Variants in CREBBP observed in about 807,000 individuals in gnomAD.
CREBBP encodes the protein CREB binding lysine acetyltransferase.
Under a neutral mutation model 265.0 loss-of-function variants are expected in CREBBP, and 19 were observed. The observed-to-expected ratio is 0.07, with a 90% CI of 0.05 to 0.11. The LOEUF (loss-of-function observed/expected upper bound fraction) is 0.11. Ranked by LOEUF, CREBBP falls within the 10% of genes least tolerant of loss-of-function variation. CREBBP has a pLI of 1.00. For synonymous variants in CREBBP, 1,457 were observed against 1,223.7 expected (o/e 1.19, Z -3.98); for missense variants, 2,525 against 3,219.0 (o/e 0.78, Z 5.22).
Position 3,880,625 on chromosome 16 carries a change from G to A in CREBBP, c.-709C>T, listed in dbSNP as rs2055515138. The A allele has an allele frequency of 6.8e-6, 1 of 147,956 alleles. No homozygotes were observed. Among genetic ancestry groups the A allele is most frequent in the Non-Finnish European group, 1.5e-5 (1 of 66,614 alleles). 9.2% of individuals were successfully genotyped at this position (147,956 alleles called of 1,614,324 possible). On this transcript the variant is annotated 5_prime_UTR_variant, in exon 1 of 31. Transcript: ENST00000262367. ...GGCGGAGCGGGGTGCGCGGGCGGTT[G>A]TGGGGCCCGGGACCGGCGGGGCCGA...
chr16:3,768,028 T>G, intron 15 of CREBBP, 119 bp from the exon 16 acceptor site: 1 of 892,318 alleles, frequency 1.1e-6, no homozygotes, highest in South Asian at 1.4e-5. Flanking sequence ...CTAGTCAGAG[T>G]TGCATTTATG....
chr16:3,828,473 C>G (rs375957566), intron 2 of CREBBP, among the ~76,000 whole-genome samples: 2 of 152,206 alleles, frequency 1.3e-5, no homozygotes, highest in East Asian at 3.8e-4. Flanking sequence ...CCAATCAGAC[C>G]ACAGGCAAAG....
At chr16:3,830,737 T>A (rs1328055000) in intron 2 of CREBBP, among the ~76,000 whole-genome samples, 2 of 152,120 alleles carry the variant, frequency 1.3e-5, no homozygotes, top group Non-Finnish European at 2.9e-5. Context: ...TCAACCAACT[T>A]ATTCTAATAG....
intron 1 of CREBBP, among the ~76,000 whole-genome samples, chr16:3,851,306 T>TAAAAAAAAAAAAAA (rs1160251196): frequency 1.3e-5 from 1 of 76,504 alleles, no homozygotes. Context: ...AAAAAAAAAT[T>TAAAAAAAAAAAAAA]AAAAAAAAAA....
intron 2 of CREBBP, among the ~76,000 whole-genome samples, chr16:3,841,410 A>C (rs372297676): frequency 1.3e-5 from 2 of 152,130 alleles, no homozygotes; most frequent in South Asian, 4.1e-4. Context: ...CAATAAGAGG[A>C]AACTTTGTGC....
rs2052800866 is a variant in CREBBP, at chr16:3,764,545, G to A, written c.3250+3175C>T. Among the ~76,000 whole-genome samples the A allele has an allele frequency of 2.6e-5, 4 of 151,490 alleles. No homozygotes were observed. The South Asian group carries it at 8.4e-4, about 32-fold the overall frequency. On this transcript the variant is annotated intron_variant, in intron 16 of 30. Coordinates refer to ENST00000262367, the MANE Select transcript of CREBBP (RefSeq NM_004380.3). The stretch of plus-strand genomic sequence containing the variant: ...CCTGTGTTCGCCTCCCAAAGTGCTG[G>A]GATTATAGGTGGGAGCCACTGTGTC...
chr16:3,875,457 C>A (rs914340403), intron 1 of CREBBP, among the ~76,000 whole-genome samples: 1 of 152,168 alleles, frequency 6.6e-6, no homozygotes, highest in Non-Finnish European at 1.5e-5. Flanking sequence ...CGAGCCCACA[C>A]ACGTCACGCT....
chr16:3,767,606 A>G, intron 16 of CREBBP, 114 bp downstream of exon 16: 1 of 1,413,320 alleles, frequency 7.1e-7, no homozygotes, highest in Non-Finnish European at 9.9e-7. Context: ...CAGGCAAGAA[A>G]GGTAAAAGGG....
chr16:3,809,978 AC>A (rs936722187), intron 3 of CREBBP, among the ~76,000 whole-genome samples: 2 of 151,812 alleles, frequency 1.3e-5, no homozygotes, highest in African/African-American at 4.8e-5. Flanking sequence ...AGAACGCACT[AC>A]CCCTCAGTGT....
chr16:3,791,376 G>C (rs1362737515), intron 5 of CREBBP: 1 of 159,900 alleles, frequency 6.3e-6, no homozygotes, highest in East Asian at 1.8e-4. Context: ...CGACTGGGGT[G>C]ATCAGGATGC....
At chr16:3,858,952 G>A (rs1399771514) in intron 1 of CREBBP, among the ~76,000 whole-genome samples, 1 of 152,124 alleles carries the variant, frequency 6.6e-6, no homozygotes, top group Non-Finnish European at 1.5e-5. Context: ...TTTGTGATGT[G>A]TTCATACTTC....
intron 16 of CREBBP, chr16:3,761,578 C>A (rs746469394): frequency 1.2e-5 from 6 of 518,606 alleles, no homozygotes; most frequent in African/African-American, 5.8e-5. Flanking sequence ...AGACTCTTGA[C>A]CAACCTCCGC....
Position 3,851,029 on chromosome 16 carries a change from G to A in CREBBP, c.86-20C>T. 1 of 1,608,728 alleles carries A rather than the reference G, an allele frequency of 6.2e-7. No homozygotes were observed. Among genetic ancestry groups the A allele is most frequent in the Non-Finnish European group, 8.5e-7 (1 of 1,175,884 alleles). On this transcript the variant is annotated intron_variant, in intron 1 of 30. Transcript: ENST00000262367. ...CAAAATCTAGAAATTAAACAGAAATGGAAATGAGAAACTAAGCAACCTTTA... is the reference window on the plus strand; with the variant it reads ...CAAAATCTAGAAATTAAACAGAAATAGAAATGAGAAACTAAGCAACCTTTA...
intron 4 of CREBBP, among the ~76,000 whole-genome samples, chr16:3,792,548 G>C (rs1047728502): frequency 6.6e-6 from 1 of 152,192 alleles, no homozygotes; most frequent in Non-Finnish European, 1.5e-5. Flanking sequence ...CTGGGCACTT[G>C]GTGAAGAAGT....
At chr16:3,879,042 A>T (rs1056339371) in intron 1 of CREBBP, among the ~76,000 whole-genome samples, 5 of 140,776 alleles carry the variant, frequency 3.6e-5, no homozygotes, top group Non-Finnish European at 7.8e-5. Context: ...AATTCTTTGT[A>T]CATCTACACT....
rs1273842546 is a variant in CREBBP at position 3,778,778 on chromosome 16, T to G, written c.1863A>C (p.Leu621=). The change falls in exon 9 of 31, where the codon CTA becomes CTC. Residue 621 remains leucine (L), a synonymous_variant. Coordinates refer to ENST00000262367, the MANE Select transcript of CREBBP (RefSeq NM_004380.3). ...AIFPTPDPAA[L]KDRRMENLVA... ...CCAGGTTTTCCATGCGGCGATCCTT[T>G]AGAGCTGCGGGATCAGGTGTTGGGA... 2 of 1,614,066 alleles carry G rather than the reference T, an allele frequency of 1.2e-6. No individual in the cohort carries two copies. Among genetic ancestry groups the G allele is most frequent in the Admixed American group, 3.3e-5 (2 of 60,034 alleles).
intron 14 of CREBBP, among the ~76,000 whole-genome samples, chr16:3,769,778 T>G (rs574123279): frequency 1.3e-5 from 2 of 152,316 alleles, no homozygotes; most frequent in African/African-American, 4.8e-5. Context: ...ACCCAGCCTG[T>G]GTGAACGGTA....
intron 5 of CREBBP, among the ~76,000 whole-genome samples, chr16:3,789,762 C>G (rs2053464981): frequency 6.6e-6 from 1 of 151,908 alleles, no homozygotes; most frequent in Admixed American, 6.5e-5. Context: ...TTCCTTGTGA[C>G]TTTATAAAAT....
intron 1 of CREBBP, among the ~76,000 whole-genome samples, chr16:3,876,150 T>A (rs1024672892): frequency 2.6e-5 from 4 of 151,954 alleles, no homozygotes; most frequent in African/African-American, 7.3e-5. Flanking sequence ...GCGATCCTCC[T>A]GCCACAGCCT....
Sources: gnomAD v4.1 joint callset for allele counts (sites outside exome capture counted in the v4.1 genomes callset) on GRCh38, gnomAD v4.1.1 for gene constraint, MANE v1.5 for transcripts, NCBI Gene and HGNC (gene_info 2026-07-23, HGNC 2026-07-21) for gene names.